The following HTR2A variants were observed in gnomAD, a reference collection of about 807,000 sequenced individuals.
The protein encoded by HTR2A is 5-HT2 receptor.
In HTR2A, 14 loss-of-function variants were observed where a neutral mutation model predicts 31.0. The ratio of observed to expected loss-of-function variants is 0.45; its 90% CI spans 0.30 to 0.71. The LOEUF (loss-of-function observed/expected upper bound fraction) is 0.71. Among genes scored for constraint, HTR2A ranks in the 30% least tolerant of loss-of-function variants. The probability of loss-of-function intolerance (pLI) is 0.09; values close to 1 mark genes in which losing one functional copy is unlikely to be tolerated. For missense variants in HTR2A, 442 were observed against 573.3 expected (o/e 0.77, Z 2.34); for synonymous variants, 209 against 225.2 (o/e 0.93, Z 0.64).
At chr13:46,887,397 G>C (rs1951015222) in intron 3 of HTR2A, among the ~76,000 whole-genome samples, 1 of 143,516 alleles carries the variant, frequency 7.0e-6, no homozygotes, top group Admixed American at 7.1e-5. Context: ...CACTCCAGCG[G>C]GGGCGACAGA....
At chr13:46,882,618 GA>G (rs1950975348) in intron 3 of HTR2A, among the ~76,000 whole-genome samples, 1 of 152,000 alleles carries the variant, frequency 6.6e-6, no homozygotes, top group African/African-American at 2.4e-5. Context: ...AATCCATGTG[GA>G]AAAAAACAAG....
rs1593448045 is a variant in HTR2A at position 46,896,141 on chromosome 13, T to C, written c.-235A>G. 7 of 1,255,112 alleles carry C rather than the reference T, an allele frequency of 5.6e-6. No individual in the cohort carries two copies. The East Asian group carries it at 2.3e-4, about 41-fold the overall frequency. 77.7% of individuals were successfully genotyped at this position (1,255,112 alleles called of 1,614,324 possible). Reference sequence around the variant, plus strand: ...TAGGAGAGTCCACTGTTTGGTTTTATTATTTTCTCACCAAACCGAGGACAA... The same window carrying C: ...TAGGAGAGTCCACTGTTTGGTTTTACTATTTTCTCACCAAACCGAGGACAA... On this transcript the variant is annotated 5_prime_UTR_variant, in exon 2 of 4. It removes the in-frame stop codon of an upstream open reading frame in the 5' UTR. Transcript: ENST00000542664.
At chr13:46,869,474 C>T (rs919604926) in intron 3 of HTR2A, among the ~76,000 whole-genome samples, 1 of 152,112 alleles carries the variant, frequency 6.6e-6, no homozygotes, top group Non-Finnish European at 1.5e-5. Flanking sequence ...ACGTTGATGG[C>T]GGAAGTGTAA....
rs561362383 is a variant in HTR2A at position 46,838,440 on chromosome 13, C to A, written c.614-2801G>T. Among the ~76,000 whole-genome samples, 12 of 152,234 alleles carry A rather than the reference C, an allele frequency of 7.9e-5. No homozygotes were observed. The South Asian group carries it at 2.3e-3, about 29-fold the overall frequency. Reference sequence around the variant, plus strand: ...GCACCCAGTCCATAGTGATGTTCTACCAGTGGTCAATAAACATGAGAGTAG... The same window carrying A: ...GCACCCAGTCCATAGTGATGTTCTAACAGTGGTCAATAAACATGAGAGTAG... On this transcript the variant is annotated intron_variant, in intron 3 of 3. Transcript: ENST00000542664.
At chr13:46,880,693 G>T (rs188466506) in intron 3 of HTR2A, among the ~76,000 whole-genome samples, 1 of 152,144 alleles carries the variant, frequency 6.6e-6, no homozygotes, top group East Asian at 1.9e-4. Context: ...AGAAAAATTA[G>T]CTGGGTGTGG....
rs112900650 is a variant in HTR2A, at chr13:46,875,622, A to G, written c.613+16768T>C. 8.1e-3 allele frequency among the ~76,000 whole-genome samples: 1,235 copies of G among 152,312 alleles called. 15 individuals carry two copies. The highest frequency in any genetic ancestry group is 0.029 in the African/African-American group (1,187 of 41,578). On this transcript the variant is annotated intron_variant, in intron 3 of 3. Coordinates refer to ENST00000542664, the MANE Select transcript of HTR2A (RefSeq NM_000621.5). ...ATTATAGACCCTTAAACAGGGCCCT[A>G]GAGTGTGAGGAAAGGTCAGAAAAAT...
upstream of HTR2A, among the ~76,000 whole-genome samples, chr13:46,897,644 G>A (rs1951114380): frequency 6.6e-6 from 1 of 152,160 alleles, no homozygotes; most frequent in Non-Finnish European, 1.5e-5. Flanking sequence ...TCCCAAGTAG[G>A]TTTCTAAAGG....
chr13:46,870,528 T>C (rs1322680979), intron 3 of HTR2A, among the ~76,000 whole-genome samples: 2 of 152,184 alleles, frequency 1.3e-5, no homozygotes, highest in Non-Finnish European at 2.9e-5. Context: ...ATGAAAACAG[T>C]TGTGCTAGGA....
chr13:46,839,780 G>A (rs1238982153), intron 3 of HTR2A, among the ~76,000 whole-genome samples: 4 of 152,118 alleles, frequency 2.6e-5, no homozygotes, highest in Non-Finnish European at 5.9e-5. Context: ...AAAAGCTTTG[G>A]TTGGTGTCTT....
intron 3 of HTR2A, among the ~76,000 whole-genome samples, chr13:46,876,385 C>CATATATATATATATAT (rs1213510951): frequency 1.1e-5 from 1 of 94,296 alleles, no homozygotes; most frequent in African/African-American, 3.9e-5. Context: ...TATTTTGATT[C>CATATATATATATATAT]ATATATATAT....
At chr13:46,840,179 C>A (rs962226755) in intron 3 of HTR2A, among the ~76,000 whole-genome samples, 2 of 152,084 alleles carry the variant, frequency 1.3e-5, no homozygotes, top group African/African-American at 4.8e-5. Context: ...AACAAATTTA[C>A]TAGTAGTTTG....
At chr13:46,890,722 A>G (rs4941573) in intron 3 of HTR2A, among the ~76,000 whole-genome samples, 56,120 of 151,916 alleles carry the variant, frequency 0.37, 10,957 homozygotes, top group East Asian at 0.59. Flanking sequence ...ATGGCACAGT[A>G]TATTGGGGTA....
intron 3 of HTR2A, among the ~76,000 whole-genome samples, chr13:46,845,643 C>CAAAAAAAAAAAAAAAAA: frequency 8.9e-6 from 1 of 112,984 alleles, no homozygotes; most frequent in Non-Finnish European, 1.9e-5. Context: ...TTCATCACTC[C>CAAAAAAAAAAAAAAAAA]AAAAAAAAAA....
At chr13:46,887,836 T>G (rs1036624130) in intron 3 of HTR2A, among the ~76,000 whole-genome samples, 1 of 151,938 alleles carries the variant, frequency 6.6e-6, no homozygotes, top group Non-Finnish European at 1.5e-5. Flanking sequence ...ACACTGCATG[T>G]TCTCACTAAT....
At chr13:46,843,298 A>G (rs1950614387) in intron 3 of HTR2A, among the ~76,000 whole-genome samples, 2 of 152,226 alleles carry the variant, frequency 1.3e-5, no homozygotes. Flanking sequence ...AGGTATGTGC[A>G]CATAGAAAAA....
At chr13:46,844,594 G>A (rs887381400) in intron 3 of HTR2A, among the ~76,000 whole-genome samples, 10 of 152,136 alleles carry the variant, frequency 6.6e-5, no homozygotes, top group East Asian at 1.9e-4. Context: ...GGAGACTTGC[G>A]TTTATTCCTG....
In HTR2A at chr13:46,881,698, T is replaced by G. The variant is rs1824593693; in HGVS notation, c.613+10692A>C. 2.0e-5 allele frequency among the ~76,000 whole-genome samples: 3 copies of G among 152,164 alleles called. No homozygotes were observed. In the South Asian group the frequency reaches 6.2e-4, roughly 32 times the overall value. On this transcript the variant is annotated intron_variant, in intron 3 of 3. Transcript: ENST00000542664. ...CTGGTTGCCTGAATAGTCTCTGACA[T>G]GTACTTCTTAGGCTGACTAATAGCC...
At chr13:46,838,882 A>C (rs1439488068) in intron 3 of HTR2A, among the ~76,000 whole-genome samples, 1 of 152,160 alleles carries the variant, frequency 6.6e-6, no homozygotes, top group African/African-American at 2.4e-5. Flanking sequence ...AGTAATGTAC[A>C]TAAGTGGCAA....
intron 3 of HTR2A, among the ~76,000 whole-genome samples, chr13:46,885,755 C>T (rs1029798286): frequency 4.6e-5 from 7 of 152,214 alleles, no homozygotes; most frequent in African/African-American, 1.2e-4. Flanking sequence ...GCTGTCTTCA[C>T]TAACTTCATT....
Sources: gnomAD v4.1 joint callset for allele counts (sites outside exome capture counted in the v4.1 genomes callset) on GRCh38, gnomAD v4.1.1 for gene constraint, MANE v1.5 for transcripts, NCBI Gene and HGNC (gene_info 2026-07-23, HGNC 2026-07-21) for gene names.